PXN: variants seen among roughly 807,000 people sequenced by gnomAD.
The protein encoded by PXN is paxillin.
Under a neutral mutation model 103.6 loss-of-function variants are expected in PXN, and 61 were observed. The ratio of observed to expected loss-of-function variants is 0.59; its 90% CI spans 0.48 to 0.73. PXN has a LOEUF of 0.73. PXN is among the 30% of genes least tolerant of loss of function. The pLI, the probability that PXN is intolerant of heterozygous loss-of-function variation, is 0.00. For synonymous variants in PXN, 562 were observed against 607.8 expected, an observed-to-expected ratio of 0.92 and a Z score of 1.11; for missense variants, 1,274 against 1,460.3, an observed-to-expected ratio of 0.87 and a Z score of 2.08.
At chr12:120,263,017 G>A (rs547416794) in intron 1 of PXN, among the ~76,000 whole-genome samples, 1 of 152,130 alleles carries the variant, frequency 6.6e-6, no homozygotes, top group African/African-American at 2.4e-5. Flanking sequence ...TTTTTTATTA[G>A]ACCAAAAAAC....
chr12:120,215,129 C>A lies in PXN; in HGVS notation c.2548G>T (p.Ala850Ser). ...VATVAKGVCG[A>S]CKKPIAGQVV... ...TGCCCGGCGATGGGCTTCTTGCAGG[C>A]CCCGCAGACTCCTTTGGCGACTGTG... Residue 850 changes from alanine to serine, a missense_variant, in exon 11 of 15, where the codon GCC becomes TCC. Ala to Ser is a moderately conservative substitution (Grantham distance 99). This residue lies in a region of PXN where 1,178 missense variants were observed against 1,309.0 expected (regional missense o/e 0.90). Transcript: ENST00000637617. This position sits in a 1 kb window ranked among gnomAD's most constrained non-coding sequence, Gnocchi z 4.9. The A allele has an allele frequency of 3.2e-6, 5 of 1,574,598 alleles. No individual in the cohort carries two copies. Among genetic ancestry groups the A allele is most frequent in the Non-Finnish European group, 4.3e-6 (5 of 1,157,944 alleles).
chr12:120,251,595 T>C (rs1162015386), intron 1 of PXN, among the ~76,000 whole-genome samples: 8 of 151,904 alleles, frequency 5.3e-5, no homozygotes, highest in Admixed American at 4.6e-4. Context: ...GGTGGGCAGA[T>C]CATTTGAGGT....
intron 1 of PXN, among the ~76,000 whole-genome samples, chr12:120,260,684 C>A (rs2136715707): frequency 6.6e-6 from 1 of 152,228 alleles, no homozygotes; most frequent in South Asian, 2.1e-4. Context: ...GTAAAGAATG[C>A]ACCAGGCACA....
Position 120,224,409 on chromosome 12 carries a change from A to G in PXN, c.14-32T>C, listed in dbSNP as rs754749153. ...AGAGAAGGCACGGGTAGCAGGTGAG[A>G]ACCGGGATCCTGGGGACTCTCCCGT... On this transcript the variant is annotated intron_variant, in intron 1 of 14. Coordinates refer to ENST00000637617, the MANE Select transcript of PXN (RefSeq NM_001385981.1). This position sits in a 1 kb window ranked among gnomAD's most constrained non-coding sequence, Gnocchi z 5.0. 18 of 1,545,096 alleles carry G rather than the reference A, an allele frequency of 1.2e-5. No individual in the cohort carries two copies. Among genetic ancestry groups the G allele is most frequent in the Non-Finnish European group, 1.6e-5 (18 of 1,118,212 alleles).
Position 120,222,683 on chromosome 12 carries a change from G to A in PXN, c.561C>T (p.Asn187=), listed in dbSNP as rs902876179. The change falls in exon 5 of 15, where the codon AAC becomes AAT. Residue 187 remains asparagine (N), a synonymous_variant. Coordinates refer to ENST00000637617, the MANE Select transcript of PXN (RefSeq NM_001385981.1). The surrounding 1 kb of genome is among the most constrained non-coding windows in gnomAD (Gnocchi z 4.7). ...GCCCAGCTTTGCCTCCCAAGGGGCT[G>A]TTAGTCTCTGGGACACCATAGAGGG... ...LSPLYGVPET[N]SPLGGKAGPL... The A allele has an allele frequency of 2.5e-6, 4 of 1,609,302 alleles. No individual in the cohort carries two copies. Among genetic ancestry groups the A allele is most frequent in the African/African-American group, 2.7e-5 (2 of 74,876 alleles).
Position 120,215,211 on chromosome 12 carries a change from G to A in PXN, c.2466C>T (p.Ser822=). 1.3e-6 allele frequency: 2 copies of A among 1,598,414 alleles called. 1 individual carries two copies. Among genetic ancestry groups the A allele is most frequent in the South Asian group, 2.3e-5 (2 of 88,702 alleles). Reference sequence around the variant, plus strand: ...GGCTCCCCAGCATGCTGTCCAGCTGGCTCCCGGGCTTCGGGGGCCCCCCAG... The same window carrying A: ...GGCTCCCCAGCATGCTGTCCAGCTGACTCCCGGGCTTCGGGGGCCCCCCAG... ...SPPGGPPKPG[S]QLDSMLGSLQ... The change falls in exon 11 of 15, where the codon AGC becomes AGT. Residue 822 remains serine, a synonymous_variant. Transcript: ENST00000637617. This position sits in a 1 kb window ranked among gnomAD's most constrained non-coding sequence, Gnocchi z 4.9.
intron 1 of PXN, among the ~76,000 whole-genome samples, chr12:120,249,157 T>C (rs1053034155): frequency 3.3e-5 from 5 of 151,818 alleles, no homozygotes; most frequent in Non-Finnish European, 7.4e-5. Context: ...AATAAATAAA[T>C]AATAAAATAA....
chr12:120,236,949 G>A (rs1025713181), intron 1 of PXN, among the ~76,000 whole-genome samples: 23 of 151,120 alleles, frequency 1.5e-4, no homozygotes, highest in African/African-American at 5.4e-4. Flanking sequence ...GGGCTACAGT[G>A]CATGCCACCA....
At position 120,216,547 on chromosome 12, in the gene PXN, CT is replaced by C; in HGVS notation, c.2026del (p.Arg676GlufsTer75). 7.0e-7 allele frequency: 1 copy of C among 1,418,864 alleles called. No homozygotes were observed. The highest frequency in any genetic ancestry group is 9.1e-7 in the Non-Finnish European group (1 of 1,095,484). The allele number at this position is 1,418,864 out of a possible 1,614,324, so 87.9% of individuals were successfully genotyped here. A position where few individuals can be genotyped will look rare whatever the true frequency, so the allele number is the denominator to read the frequency against. Reference sequence around the variant, plus strand: ...AGAAGCCAGGACAGAGATGGTTCTTCTCAGGGGAATGGGAGAGCCAGGAGGG... The same window carrying C: ...AGAAGCCAGGACAGAGATGGTTCTTCCAGGGGAATGGGAGAGCCAGGAGGG... ...VFPPGSPIPL[R>X]RTISVLASPS... On this transcript the variant is annotated frameshift_variant, in exon 9 of 15. Transcript: ENST00000637617. LOFTEE classifies it high-confidence loss of function. The surrounding 1 kb of genome is among the most constrained non-coding windows in gnomAD (Gnocchi z 5.1).
chr12:120,256,813 G>A (rs866432163), intron 1 of PXN, among the ~76,000 whole-genome samples: 2 of 152,154 alleles, frequency 1.3e-5, no homozygotes, highest in Admixed American at 6.5e-5. Flanking sequence ...CGCCTCCCAG[G>A]TTCAAGGAAT....
In PXN at chr12:120,216,495, G is replaced by A. The variant is rs145925611; in HGVS notation, c.2079C>T (p.Arg693=). 4 of 1,394,596 alleles carry A rather than the reference G, an allele frequency of 2.9e-6. No individual in the cohort carries two copies. The highest frequency in any genetic ancestry group is 1.5e-5 in the African/African-American group (1 of 66,572). 86.4% of individuals were successfully genotyped at this position (1,394,596 alleles called of 1,614,324 possible). A position where few individuals can be genotyped will look rare whatever the true frequency, so the allele number is the denominator to read the frequency against. ...ASPSVPLLQH[R]TDAAASSSSP... is the part of the protein sequence containing the mutation. ...AAGAGCTGCTGGCCGCGGCGTCTGT[G>A]CGATGCTGGAGCAAAGGGACAGAAG... is the stretch of plus-strand genomic sequence containing the variant. Residue 693 remains arginine, a synonymous_variant, in exon 9 of 15, where the codon CGC becomes CGT. Transcript: ENST00000637617. The surrounding 1 kb of genome is among the most constrained non-coding windows in gnomAD (Gnocchi z 5.1).
In PXN at chr12:120,212,437, G is replaced by C; in HGVS notation, c.3123C>G (p.Ala1041=). ...CGAAGTGCTCGGGGTGGAACTTCTT[G>C]GCCATGGCGGTGATGCAGCGGCCGG... ...PITGRCITAM[A]KKFHPEHFVC... is the part of the protein sequence containing the mutation. Residue 1041 remains alanine (A), a synonymous_variant, in exon 15 of 15, where the codon GCC becomes GCG. Transcript: ENST00000637617. The surrounding 1 kb of genome is among the most constrained non-coding windows in gnomAD (Gnocchi z 7.2). 1 of 1,614,028 alleles carries C rather than the reference G, an allele frequency of 6.2e-7. No individual in the cohort carries two copies. The highest frequency in any genetic ancestry group is 8.5e-7 in the Non-Finnish European group (1 of 1,179,902).
chr12:120,223,350 C>T (rs574793074), intron 3 of PXN, among the ~76,000 whole-genome samples: 3 of 152,022 alleles, frequency 2.0e-5, no homozygotes, highest in East Asian at 1.9e-4. Context: ...AGGAGAATGG[C>T]GTGAACCCAG....
rs189972238 is a variant in PXN at position 120,251,128 on chromosome 12, C to A, written c.13+14489G>T. ...GCTGAGGCAGGAGAATCACTTGAAC[C>A]CAGGAGGTGGAGGTTGCAATGAGCT... On this transcript the variant is annotated intron_variant, in intron 1 of 14. Coordinates refer to ENST00000637617, the MANE Select transcript of PXN (RefSeq NM_001385981.1). 2.5e-3 allele frequency among the ~76,000 whole-genome samples: 371 copies of A among 148,522 alleles called. 4 individuals carry two copies. Among genetic ancestry groups the A allele is most frequent in the Admixed American group, 0.023 (344 of 14,938 alleles).
intron 1 of PXN, among the ~76,000 whole-genome samples, chr12:120,245,257 G>A (rs959728748): frequency 6.6e-6 from 1 of 152,088 alleles, no homozygotes; most frequent in African/African-American, 2.4e-5. Flanking sequence ...AACACCAAGT[G>A]TGGGGCTGTG....
In PXN at chr12:120,217,273, A is replaced by G. The variant is rs1883451644; in HGVS notation, c.1717-157T>C. Among the ~76,000 whole-genome samples, 1 of 151,674 alleles carries G rather than the reference A, an allele frequency of 6.6e-6. No individual in the cohort carries two copies. Among genetic ancestry groups the G allele is most frequent in the Non-Finnish European group, 1.5e-5 (1 of 67,906 alleles). ...GAGGCACGGGGAGGGGGCAGATTGG[A>G]CCGGTGGAGGTGGGTAGAGGCAAGG... is the stretch of plus-strand genomic sequence containing the variant. On this transcript the variant is annotated intron_variant, in intron 7 of 14. Transcript: ENST00000637617. The surrounding 1 kb of genome is among the most constrained non-coding windows in gnomAD (Gnocchi z 4.1).
chr12:120,231,473 C>G (rs1888036319), intron 1 of PXN, among the ~76,000 whole-genome samples: 1 of 152,128 alleles, frequency 6.6e-6, no homozygotes, highest in Non-Finnish European at 1.5e-5. Context: ...TGCATTTTAC[C>G]CTTACAGCCC....
rs1289023283 is a variant in PXN at position 120,213,421 on chromosome 12, G to A, written c.2979+421C>T. On this transcript the variant is annotated intron_variant, in intron 14 of 14. Coordinates refer to ENST00000637617, the MANE Select transcript of PXN (RefSeq NM_001385981.1). This position sits in a 1 kb window ranked among gnomAD's most constrained non-coding sequence, Gnocchi z 4.2. ...AGAAAAGGCTCTGAGAAGTCCTGCA[G>A]GGAACAGTGTTTCCCAAACTCATTT... 2.0e-5 allele frequency among the ~76,000 whole-genome samples: 3 copies of A among 152,240 alleles called. No individual in the cohort carries two copies. The highest frequency in any genetic ancestry group is 3.8e-4 in the East Asian group (2 of 5,202).
At chr12:120,226,232 G>T in intron 1 of PXN, 1 of 1,274,256 alleles carries the variant, frequency 7.8e-7, no homozygotes, top group Non-Finnish European at 1.0e-6. Flanking sequence ...TCTCCACCAT[G>T]GGCAGGGCCA....
Sources: gnomAD v4.1 joint callset for allele counts (sites outside exome capture counted in the v4.1 genomes callset) on GRCh38, gnomAD v4.1.1 for gene constraint, gnomAD v4.1.1 regional missense constraint, Gnocchi (gnomAD v3.1) non-coding constraint, MANE v1.5 for transcripts, NCBI Gene and HGNC (gene_info 2026-07-23, HGNC 2026-07-21) for gene names.